The following MAST2 variants were observed in gnomAD, a reference collection of about 807,000 sequenced individuals.
The protein encoded by MAST2 is microtubule associated serine/threonine kinase 2.
MAST2 carries 70 observed loss-of-function variants against 147.4 expected under a neutral mutation model. The ratio of observed to expected loss-of-function variants is 0.47; its 90% CI spans 0.39 to 0.58. MAST2 has a LOEUF of 0.58. MAST2 is among the 20% of genes least tolerant of loss of function. The probability of loss-of-function intolerance (pLI) is 0.00; values close to 1 mark genes in which losing one functional copy is unlikely to be tolerated. For missense variants in MAST2, 2,080 were observed against 2,302.3 expected, an observed-to-expected ratio of 0.90 and a Z score of 1.98; for synonymous variants, 869 against 896.8, an observed-to-expected ratio of 0.97 and a Z score of 0.55.
At position 45,822,435 on chromosome 1, in the gene MAST2, C is replaced by G. The variant is rs1343483617; in HGVS notation, c.178-1998C>G. 2.0e-5 allele frequency among the ~76,000 whole-genome samples: 3 copies of G among 152,076 alleles called. 1 individual carries two copies. In the East Asian group the frequency reaches 5.8e-4, roughly 29 times the overall value. On this transcript the variant is annotated intron_variant, in intron 1 of 28. Transcript: ENST00000361297. ...TCCTCTCTTTCTTTTCTCCTCTCCT[C>G]TGTTATCTGGTTTCTTTACTTTGGT...
chr1:46,008,437 TG>T (rs1252263272), intron 9 of MAST2, 66 bp downstream of exon 9: 9 of 1,001,026 alleles, frequency 9.0e-6, no homozygotes, highest in Admixed American at 1.8e-5. Flanking sequence ...CCAGCCCCAA[TG>T]GGAGACTCTG....
At chr1:45,848,236 C>T (rs781348966) in intron 3 of MAST2, among the ~76,000 whole-genome samples, 8 of 152,134 alleles carry the variant, frequency 5.3e-5, no homozygotes, top group Admixed American at 1.3e-4. Flanking sequence ...AAGGCTTGTG[C>T]GGAAGGCCGA....
intron 5 of MAST2, among the ~76,000 whole-genome samples, chr1:45,991,795 A>G (rs904832552): frequency 1.3e-5 from 2 of 152,202 alleles, no homozygotes; most frequent in African/African-American, 2.4e-5. Context: ...TACATAGACA[A>G]TCATGTCATC....
intron 4 of MAST2, among the ~76,000 whole-genome samples, chr1:45,915,383 A>G (rs979847731): frequency 2.0e-5 from 3 of 152,182 alleles, no homozygotes; most frequent in African/African-American, 7.2e-5. Context: ...TTGTATAACC[A>G]GTTTGCAGAG....
At chr1:46,002,982 A>G (rs1422553674) in intron 7 of MAST2, 99 bp downstream of exon 7, 2 of 1,220,558 alleles carry the variant, frequency 1.6e-6, no homozygotes, top group African/African-American at 3.0e-5. Context: ...TTTTTCTCCA[A>G]AGTCAAACTC....
chr1:45,960,827 A>G (rs563991559), intron 5 of MAST2, among the ~76,000 whole-genome samples: 27 of 152,330 alleles, frequency 1.8e-4, no homozygotes, highest in African/African-American at 6.0e-4. Context: ...CTAAGCCTGG[A>G]CCTTGTCTGT....
At chr1:45,848,351 G>A (rs1205691892) in intron 3 of MAST2, among the ~76,000 whole-genome samples, 1 of 152,188 alleles carries the variant, frequency 6.6e-6, no homozygotes, top group Non-Finnish European at 1.5e-5. Context: ...TGTGATTTAT[G>A]CTGAACATTT....
At chr1:46,026,206 G>A (rs910390500) in intron 16 of MAST2, among the ~76,000 whole-genome samples, 1 of 152,216 alleles carries the variant, frequency 6.6e-6, no homozygotes, top group Non-Finnish European at 1.5e-5. Flanking sequence ...AGTCTACAGT[G>A]GGAGACAGAA....
intron 3 of MAST2, among the ~76,000 whole-genome samples, chr1:45,878,151 C>A (rs947046429): frequency 6.9e-6 from 1 of 144,430 alleles, no homozygotes; most frequent in African/African-American, 2.6e-5. Flanking sequence ...GTGCAGTGAG[C>A]AGAGATCACG....
intron 5 of MAST2, among the ~76,000 whole-genome samples, chr1:45,968,436 T>G (rs199826417): frequency 2.1e-5 from 1 of 46,680 alleles, no homozygotes; most frequent in Non-Finnish European, 4.8e-5. Context: ...TGAAGTATAA[T>G]TTCACAGGGT....
chr1:46,031,465 G>A lies in MAST2; in HGVS notation c.3067G>A (p.Val1023Met). ...ATAKAISDLA[V>M]RRARHRLLSG... ...AGCCAAGGCCATCAGTGACCTGGCT[G>A]TGCGTAGGGCCCGCCACCGGCTGCT... The change falls in exon 24 of 29, where the codon GTG becomes ATG. Residue 1023 changes from valine (V) to methionine (M), a missense_variant. Val to Met is a conservative substitution (Grantham distance 21). Coordinates refer to ENST00000361297, the MANE Select transcript of MAST2 (RefSeq NM_015112.3). The surrounding 1 kb of genome is among the most constrained non-coding windows in gnomAD (Gnocchi z 4.1). The A allele has an allele frequency of 6.2e-7, 1 of 1,614,180 alleles. No individual in the cohort carries two copies. Among genetic ancestry groups the A allele is most frequent in the South Asian group, 1.1e-5 (1 of 91,080 alleles).
chr1:45,987,151 A>C (rs7552810), intron 5 of MAST2, among the ~76,000 whole-genome samples: 30,418 of 152,184 alleles, frequency 0.2, 3,552 homozygotes, highest in Non-Finnish European at 0.26. Context: ...AATTAACATA[A>C]AGTTGTTTAC....
intron 8 of MAST2, among the ~76,000 whole-genome samples, chr1:46,007,230 A>G (rs1422169822): frequency 1.3e-5 from 2 of 152,192 alleles, no homozygotes; most frequent in African/African-American, 4.8e-5. Context: ...GTAGGATCCC[A>G]GAGGAGCAGC....
intron 4 of MAST2, among the ~76,000 whole-genome samples, chr1:45,907,701 G>T (rs547659263): frequency 6.6e-6 from 1 of 152,234 alleles, no homozygotes; most frequent in South Asian, 2.1e-4. Flanking sequence ...GAAACTCTGT[G>T]CCCATTAAGC....
chr1:45,876,049 G>A (rs1215961245), intron 3 of MAST2, among the ~76,000 whole-genome samples: 1 of 152,170 alleles, frequency 6.6e-6, no homozygotes, highest in Non-Finnish European at 1.5e-5. Flanking sequence ...GTGGCTTCAT[G>A]GCAAGAAAAG....
In MAST2 at chr1:46,023,514, C is replaced by T; in HGVS notation, c.1571+196C>T. The stretch of plus-strand genomic sequence containing the variant: ...CATTGTTCCTTTCCCAGACAAGATT[C>T]CCACGCCTCTTACTACCACGCATCC... On this transcript the variant is annotated intron_variant, in intron 14 of 28. Coordinates refer to ENST00000361297, the MANE Select transcript of MAST2 (RefSeq NM_015112.3). The surrounding 1 kb of genome is among the most constrained non-coding windows in gnomAD (Gnocchi z 4.9). 1 of 628,434 alleles carries T rather than the reference C, an allele frequency of 1.6e-6. No homozygotes were observed. The highest frequency in any genetic ancestry group is 1.9e-5 in the South Asian group (1 of 51,310). The allele number at this position is 628,434 out of a possible 1,614,324, so 38.9% of individuals were successfully genotyped here.
At chr1:45,934,067 T>G (rs1294573122) in intron 4 of MAST2, among the ~76,000 whole-genome samples, 1 of 151,898 alleles carries the variant, frequency 6.6e-6, no homozygotes, top group Admixed American at 6.6e-5. Context: ...CTCTCCCTCC[T>G]CCCACCCTCC....
intron 4 of MAST2, among the ~76,000 whole-genome samples, chr1:45,910,653 A>G (rs1281291187): frequency 6.6e-6 from 1 of 152,166 alleles, no homozygotes; most frequent in Non-Finnish European, 1.5e-5. Flanking sequence ...GGAAGAAATC[A>G]AATAAATGGA....
At chr1:45,911,090 G>T (rs2148571874) in intron 4 of MAST2, among the ~76,000 whole-genome samples, 1 of 152,220 alleles carries the variant, frequency 6.6e-6, no homozygotes, top group Non-Finnish European at 1.5e-5. Context: ...TGGCTCTACA[G>T]TCAATAAATA....
Sources: gnomAD v4.1 joint callset for allele counts (sites outside exome capture counted in the v4.1 genomes callset) on GRCh38, gnomAD v4.1.1 for gene constraint, Gnocchi (gnomAD v3.1) non-coding constraint, MANE v1.5 for transcripts, NCBI Gene and HGNC (gene_info 2026-07-23, HGNC 2026-07-21) for gene names.